Variants in PIP5K1B observed in about 807,000 individuals in gnomAD.
PIP5K1B encodes phosphatidylinositol 4-phosphate 5-kinase type-1 beta.
Under a neutral mutation model 67.0 loss-of-function variants are expected in PIP5K1B, and 42 were observed. The observed-to-expected ratio is 0.63, with a 90% confidence interval of 0.49 to 0.81. The LOEUF (loss-of-function observed/expected upper bound fraction) is 0.81, where lower values mean the gene tolerates loss of function less well. Among genes scored for constraint, PIP5K1B ranks in the 30% least tolerant of loss-of-function variants. PIP5K1B has a pLI of 0.00. For synonymous variants in PIP5K1B, 214 were observed against 231.4 expected, an observed-to-expected ratio of 0.92 and a Z score of 0.68; for missense variants, 459 against 646.3, an observed-to-expected ratio of 0.71 and a Z score of 3.14.
intron 4 of PIP5K1B, chr9:68,843,345 A>G (rs1353312423): frequency 2.0e-5 from 3 of 152,216 alleles, no homozygotes; most frequent in African/African-American, 7.2e-5. Flanking sequence ...CCTCAGCGCC[A>G]TGTTCTACTC....
chr9:68,995,993 G>A (rs1379339873), intron 15 of PIP5K1B, among the ~76,000 whole-genome samples: 2 of 152,180 alleles, frequency 1.3e-5, no homozygotes, highest in African/African-American at 2.4e-5. Flanking sequence ...GTCACCAAAC[G>A]TGGTCAGGTT....
intron 14 of PIP5K1B, chr9:68,966,690 G>A (rs915260654): frequency 9.9e-5 from 15 of 152,108 alleles, no homozygotes; most frequent in African/African-American, 3.1e-4. Flanking sequence ...AACGGAAAAA[G>A]GCATTAAGGA....
At position 68,705,352 on chromosome 9, in the gene PIP5K1B, C is replaced by G. The variant is rs1017849140; in HGVS notation, c.-653C>G. On this transcript the variant is annotated 5_prime_UTR_variant, in exon 1 of 16. Coordinates refer to ENST00000265382, the MANE Select transcript of PIP5K1B (RefSeq NM_003558.4). ...CCCGGTTCCCGGTCCCCGAACGCGC[C>G]GCGGCGAGGCTGCGCCCGGCAGTGG... 3.3e-5 allele frequency: 5 copies of G among 151,310 alleles called. No individual in the cohort carries two copies. The highest frequency in any genetic ancestry group is 3.3e-4 in the Admixed American group (5 of 15,198). 9.4% of individuals were successfully genotyped at this position (151,310 alleles called of 1,614,324 possible).
chr9:68,892,367 CA>C (rs1824837380), intron 7 of PIP5K1B, among the ~76,000 whole-genome samples: 1 of 152,176 alleles, frequency 6.6e-6, no homozygotes, highest in South Asian at 2.1e-4. Context: ...ATAGCATATA[CA>C]AAAAATATAT....
chr9:68,773,742 T>C (rs551341118), intron 2 of PIP5K1B, among the ~76,000 whole-genome samples: 1 of 152,356 alleles, frequency 6.6e-6, no homozygotes, highest in East Asian at 1.9e-4. Context: ...CTTGATTTTC[T>C]AATCTTTGCT....
intron 4 of PIP5K1B, among the ~76,000 whole-genome samples, chr9:68,841,326 G>A (rs1821908016): frequency 6.6e-6 from 1 of 152,228 alleles, no homozygotes; most frequent in Admixed American, 6.5e-5. Context: ...TGGAGACGAT[G>A]TGGCCCCCTT....
chr9:68,784,813 G>C (rs1831519886), intron 2 of PIP5K1B, among the ~76,000 whole-genome samples: 1 of 152,182 alleles, frequency 6.6e-6, no homozygotes, highest in Non-Finnish European at 1.5e-5. Flanking sequence ...TTCTGAAACA[G>C]GAGGGAGAGT....
chr9:68,971,023 T>A (rs1829337704), intron 14 of PIP5K1B, among the ~76,000 whole-genome samples: 1 of 152,180 alleles, frequency 6.6e-6, no homozygotes, highest in South Asian at 2.1e-4. Flanking sequence ...TTATTATACT[T>A]TAAGTTCTGG....
intron 14 of PIP5K1B, among the ~76,000 whole-genome samples, chr9:68,978,342 A>C (rs190970741): frequency 2.0e-5 from 3 of 152,328 alleles, no homozygotes; most frequent in East Asian, 3.9e-4. Context: ...CAGCTTTCTT[A>C]GATTTTACAA....
chr9:68,717,011 C>T (rs1827666347), intron 1 of PIP5K1B, among the ~76,000 whole-genome samples: 1 of 152,198 alleles, frequency 6.6e-6, no homozygotes, highest in African/African-American at 2.4e-5. Context: ...CGTGTTCTCA[C>T]TTATAAGTGT....
In PIP5K1B at chr9:68,904,087, T is replaced by G. The variant is rs147880439; in HGVS notation, c.771+9449T>G. Among the ~76,000 whole-genome samples, 573 of 152,286 alleles carry G rather than the reference T, an allele frequency of 3.8e-3. 4 individuals carry two copies. Among genetic ancestry groups the G allele is most frequent in the African/African-American group, 0.012 (516 of 41,556 alleles). On this transcript the variant is annotated intron_variant, in intron 8 of 15. Coordinates refer to ENST00000265382, the MANE Select transcript of PIP5K1B (RefSeq NM_003558.4). The stretch of plus-strand genomic sequence containing the variant: ...GATTACCTTTTGACAGATAAAGAAG[T>G]GAATCCTCAGGAGAGGTTCAGCTTC...
chr9:68,894,475 A>C lies in PIP5K1B; in HGVS notation c.608A>C (p.Asp203Ala). The change falls in exon 8 of 16, where the codon GAC becomes GCC. Residue 203 changes from aspartate (D) to alanine (A), a missense_variant. Around this residue, in one of 2 missense-constraint regions of PIP5K1B, gnomAD observed 290 missense variants for 474.4 expected, o/e 0.61. Transcript: ENST00000265382. ...PRSMRMHFTY[D>A]LKGSTYKRRA... ...TCCATGAGAATGCACTTTACATATG[A>C]CTTGAAAGGCTCAACGTATAAGCGA... The C allele has an allele frequency of 6.2e-7, 1 of 1,614,178 alleles. No homozygotes were observed. Among genetic ancestry groups the C allele is most frequent in the Non-Finnish European group, 8.5e-7 (1 of 1,180,012 alleles).
chr9:68,793,813 A>G (rs2132508947), intron 2 of PIP5K1B, among the ~76,000 whole-genome samples: 1 of 152,298 alleles, frequency 6.6e-6, no homozygotes, highest in African/African-American at 2.4e-5. Flanking sequence ...CACAATTGTG[A>G]GTCATCTGCC....
chr9:68,788,352 G>A, intron 2 of PIP5K1B: 1 of 946,826 alleles, frequency 1.1e-6, no homozygotes, highest in South Asian at 1.3e-5. Context: ...TGTATTTTAT[G>A]CCCTTAAAGG....
intron 2 of PIP5K1B, among the ~76,000 whole-genome samples, chr9:68,779,844 A>G (rs1831127403): frequency 6.6e-6 from 1 of 152,268 alleles, no homozygotes; most frequent in East Asian, 1.9e-4. Flanking sequence ...TTTTATGAGT[A>G]TGCAATCCAG....
intron 1 of PIP5K1B, among the ~76,000 whole-genome samples, chr9:68,738,303 T>C (rs933160923): frequency 6.6e-6 from 1 of 152,258 alleles, no homozygotes; most frequent in Non-Finnish European, 1.5e-5. Context: ...AACAGTTGAT[T>C]TTCTTTATTT....
chr9:68,744,088 T>G (rs749247464), intron 2 of PIP5K1B, among the ~76,000 whole-genome samples: 15 of 152,174 alleles, frequency 9.9e-5, no homozygotes, highest in Non-Finnish European at 1.9e-4. Context: ...CGAGAACCAC[T>G]GATGTATGCA....
chr9:68,838,086 T>C (rs1204106676), intron 4 of PIP5K1B, among the ~76,000 whole-genome samples: 2 of 151,936 alleles, frequency 1.3e-5, no homozygotes, highest in African/African-American at 4.8e-5. Context: ...TTTTTTCTTT[T>C]GCGCATGGGA....
rs115976271 is a variant in PIP5K1B, at chr9:68,933,378, T to C, written c.1202-1512T>C. Among the ~76,000 whole-genome samples, 838 of 152,292 alleles carry C rather than the reference T, an allele frequency of 5.5e-3. 10 individuals are homozygous for C. Among genetic ancestry groups the C allele is most frequent in the African/African-American group, 0.019 (805 of 41,564 alleles). ...AATGGCTTCTTCCTTGTAAAACAAG[T>C]GTAACCACTGTTTGAGAGAGTGGAG... On this transcript the variant is annotated intron_variant, in intron 12 of 15. Coordinates refer to ENST00000265382, the MANE Select transcript of PIP5K1B (RefSeq NM_003558.4).
Sources: gnomAD v4.1 joint callset for allele counts (sites outside exome capture counted in the v4.1 genomes callset) on GRCh38, gnomAD v4.1.1 for gene constraint, gnomAD v4.1.1 regional missense constraint, MANE v1.5 for transcripts, NCBI Gene and HGNC (gene_info 2026-07-23, HGNC 2026-07-21) for gene names.